The following RAB1A variants were observed in gnomAD, a reference collection of about 807,000 sequenced individuals.
The protein encoded by RAB1A is RAB1A, member RAS oncogene family.
In RAB1A, 2 loss-of-function variants were observed where a neutral mutation model predicts 26.0. The observed-to-expected ratio is 0.08, with a 90% CI of 0.03 to 0.24. RAB1A has a LOEUF of 0.24. RAB1A is among the 10% of genes least tolerant of loss of function. RAB1A has a pLI of 1.00. For synonymous variants in RAB1A, 84 were observed against 84.9 expected (o/e 0.99, Z 0.06); for missense variants, 100 against 247.0 (o/e 0.40, Z 3.99).
chr2:65,104,066 C>T (rs1558580605), intron 2 of RAB1A, among the ~76,000 whole-genome samples: 1 of 152,168 alleles, frequency 6.6e-6, no homozygotes, highest in Non-Finnish European at 1.5e-5. Context: ...GCGTGAGCCA[C>T]CGCACCTGGC....
chr2:65,098,987 T>TCAC (rs1669356680), intron 2 of RAB1A, among the ~76,000 whole-genome samples: 1 of 151,858 alleles, frequency 6.6e-6, no homozygotes, highest in Non-Finnish European at 1.5e-5. Context: ...CAGGCGTGCA[T>TCAC]CACCACGCCT....
At chr2:65,105,572 C>T (rs1669536206) in intron 1 of RAB1A, among the ~76,000 whole-genome samples, 1 of 150,342 alleles carries the variant, frequency 6.7e-6, no homozygotes, top group African/African-American at 2.5e-5. Flanking sequence ...TAGCACTCCT[C>T]CAATGAAGGG....
chr2:65,129,020 A>G (rs17753548), intron 1 of RAB1A, among the ~76,000 whole-genome samples: 7,088 of 152,180 alleles, frequency 0.047, 168 homozygotes, highest in Middle Eastern at 0.075. Context: ...CCTATCTGCA[A>G]GCATCCAAGC....
chr2:65,113,658 G>T (rs958951060), intron 1 of RAB1A, among the ~76,000 whole-genome samples: 1 of 152,208 alleles, frequency 6.6e-6, no homozygotes, highest in African/African-American at 2.4e-5. Context: ...AAAGTACAAA[G>T]TAGAGGATGA....
chr2:65,094,549 A>C (rs886981936), intron 3 of RAB1A, among the ~76,000 whole-genome samples: 5 of 150,224 alleles, frequency 3.3e-5, no homozygotes, highest in Non-Finnish European at 5.9e-5. Context: ...ACGCCATTGC[A>C]CTCCAGTCTG....
intron 1 of RAB1A, among the ~76,000 whole-genome samples, chr2:65,114,851 CA>C (rs369583615): frequency 5.3e-4 from 42 of 79,048 alleles, no homozygotes; most frequent in Admixed American, 3.5e-3. Context: ...GACTCCGTCT[CA>C]AAAAAAAAAA....
chr2:65,103,728 T>C (rs1227111378), intron 2 of RAB1A, among the ~76,000 whole-genome samples: 1 of 152,158 alleles, frequency 6.6e-6, no homozygotes, highest in Non-Finnish European at 1.5e-5. Flanking sequence ...CTTTGGTCCA[T>C]GCTCTGAGAA....
chr2:65,105,060 AAAG>A (rs1669521771), intron 1 of RAB1A: 1 of 555,646 alleles, frequency 1.8e-6, no homozygotes, highest in Non-Finnish European at 3.2e-6. Context: ...ACTTAAAAAG[AAAG>A]AAGGAAAAGA....
At chr2:65,098,119 A>G (rs1669332849) in intron 2 of RAB1A, 53 bp from the exon 3 acceptor site, 1 of 1,074,218 alleles carries the variant, frequency 9.3e-7, no homozygotes, top group Non-Finnish European at 1.3e-6. Context: ...GAGCAGATGC[A>G]AGTCTAAGTG....
At chr2:65,121,265 G>A (rs1265851994) in intron 1 of RAB1A, among the ~76,000 whole-genome samples, 4 of 146,692 alleles carry the variant, frequency 2.7e-5, no homozygotes, top group African/African-American at 1.0e-4. Context: ...CCATAGCCAC[G>A]TGGCTGGCAC....
At chr2:65,096,687 C>T (rs1055768611) in intron 3 of RAB1A, among the ~76,000 whole-genome samples, 4 of 152,180 alleles carry the variant, frequency 2.6e-5, no homozygotes, top group African/African-American at 9.6e-5. Context: ...AAAACTAAAT[C>T]CTTGCAAGTC....
intron 1 of RAB1A, among the ~76,000 whole-genome samples, chr2:65,106,837 T>C (rs1476951948): frequency 6.6e-6 from 1 of 151,728 alleles, no homozygotes; most frequent in African/African-American, 2.4e-5. Context: ...ACTTTACTAC[T>C]ATTGATAAGG....
chr2:65,127,257 CTA>C (rs1670121533), intron 1 of RAB1A, among the ~76,000 whole-genome samples: 1 of 152,110 alleles, frequency 6.6e-6, no homozygotes, highest in Non-Finnish European at 1.5e-5. Context: ...TTGAAAATTC[CTA>C]GTCACTCCCT....
chr2:65,114,128 AGTTAAATTCTGG>A (rs1014156809), intron 1 of RAB1A: 4 of 471,910 alleles, frequency 8.5e-6, no homozygotes, highest in African/African-American at 8.1e-5. Flanking sequence ...AAGTATATGA[AGTTAAATTCTGG>A]GTTAAATGAG....
Position 65,088,331 on chromosome 2 carries a change from A to T in RAB1A, c.*162T>A, listed in dbSNP as rs1256569228. 7 of 516,482 alleles carry T rather than the reference A, an allele frequency of 1.4e-5. No individual in the cohort carries two copies. Among genetic ancestry groups the T allele is most frequent in the Non-Finnish European group, 2.3e-5 (7 of 302,670 alleles). The allele number at this position is 516,482 out of a possible 1,614,324, so 32.0% of individuals were successfully genotyped here. A position where few individuals can be genotyped will look rare whatever the true frequency, so the allele number is the denominator to read the frequency against. ...GTTAGCTGTCTTGAGTCAAGGGAAT[A>T]AAAAAAAAGTCAGTATTGACCATTT... On this transcript the variant is annotated 3_prime_UTR_variant, in exon 6 of 6. Transcript: ENST00000409784.
intron 2 of RAB1A, among the ~76,000 whole-genome samples, chr2:65,100,626 G>A (rs1669402302): frequency 6.6e-6 from 1 of 150,902 alleles, no homozygotes; most frequent in African/African-American, 2.4e-5. Context: ...TGGGTGTGAT[G>A]GCACACGCCT....
chr2:65,094,001 G>C (rs146497574), intron 3 of RAB1A, among the ~76,000 whole-genome samples: 1 of 148,700 alleles, frequency 6.7e-6, no homozygotes, highest in Non-Finnish European at 1.5e-5. Context: ...ACAAGGTCTC[G>C]CTCTGTTGCC....
chr2:65,090,117 C>T (rs956153124), intron 4 of RAB1A, among the ~76,000 whole-genome samples: 17 of 152,186 alleles, frequency 1.1e-4, no homozygotes, highest in South Asian at 8.3e-4. Flanking sequence ...ATTTAGAGGA[C>T]GAAAGTTTTC....
intron 1 of RAB1A, among the ~76,000 whole-genome samples, chr2:65,116,046 CTA>C (rs1167870067): frequency 6.6e-6 from 1 of 152,072 alleles, no homozygotes; most frequent in Non-Finnish European, 1.5e-5. Context: ...GTCCCAGCTA[CTA>C]AGGAGGCTGA....
Sources: gnomAD v4.1 joint callset for allele counts (sites outside exome capture counted in the v4.1 genomes callset) on GRCh38, gnomAD v4.1.1 for gene constraint, MANE v1.5 for transcripts, NCBI Gene and HGNC (gene_info 2026-07-23, HGNC 2026-07-21) for gene names.